CDH12: variants seen among roughly 807,000 people sequenced by gnomAD.
CDH12 encodes cadherin 12.
In CDH12, 41 loss-of-function variants were observed where a neutral mutation model predicts 74.1. The ratio of observed to expected loss-of-function variants is 0.55; its 90% confidence interval spans 0.43 to 0.72. The LOEUF (loss-of-function observed/expected upper bound fraction) is 0.72. Among genes scored for constraint, CDH12 ranks in the 30% least tolerant of loss-of-function variants. The pLI is 0.00. For synonymous variants in CDH12, 399 were observed against 355.0 expected, an observed-to-expected ratio of 1.12 and a Z score of -1.39; for missense variants, 945 against 977.2, an observed-to-expected ratio of 0.97 and a Z score of 0.44.
intron 2 of CDH12, among the ~76,000 whole-genome samples, chr5:22,458,814 G>A (rs1313625): frequency 0.048 from 7,263 of 152,034 alleles, 291 homozygotes; most frequent in East Asian, 0.16. Context: ...TCTTTTACTC[G>A]ATTTCAGCTA....
intron 1 of CDH12, among the ~76,000 whole-genome samples, chr5:22,590,922 G>C (rs199772931): frequency 1.3e-5 from 2 of 152,068 alleles, no homozygotes; most frequent in Non-Finnish European, 2.9e-5. Flanking sequence ...TTGGCGGCTT[G>C]TCCTGAAGAT....
intron 2 of CDH12, among the ~76,000 whole-genome samples, chr5:22,472,647 G>A (rs10038354): frequency 0.55 from 83,334 of 151,700 alleles, 23,084 homozygotes; most frequent in Admixed American, 0.69. Flanking sequence ...CTATTATACT[G>A]TGGAATTATC....
At chr5:22,252,556 A>G (rs1753171933) in intron 3 of CDH12, among the ~76,000 whole-genome samples, 1 of 152,040 alleles carries the variant, frequency 6.6e-6, no homozygotes, top group Non-Finnish European at 1.5e-5. Context: ...TATACTTTAT[A>G]TTACTTTACC....
At chr5:22,435,757 T>C (rs1744361157) in intron 2 of CDH12, among the ~76,000 whole-genome samples, 1 of 152,026 alleles carries the variant, frequency 6.6e-6, no homozygotes, top group Non-Finnish European at 1.5e-5. Context: ...GATCAGTGCC[T>C]AAGATGTTTT....
intron 10 of CDH12, among the ~76,000 whole-genome samples, chr5:21,789,761 T>A (rs1456904743): frequency 1.3e-5 from 2 of 152,136 alleles, no homozygotes; most frequent in Non-Finnish European, 2.9e-5. Flanking sequence ...ATTATGTAGA[T>A]GTTGGAAAAT....
intron 4 of CDH12, among the ~76,000 whole-genome samples, chr5:22,189,876 G>T (rs1750171803): frequency 6.6e-6 from 1 of 152,082 alleles, no homozygotes; most frequent in African/African-American, 2.4e-5. Context: ...CAGCCCCGTG[G>T]GCTGCATTTT....
At chr5:21,998,910 A>G (rs140495061) in intron 5 of CDH12, among the ~76,000 whole-genome samples, 7,949 of 152,208 alleles carry the variant, frequency 0.052, 689 homozygotes, top group African/African-American at 0.18. Context: ...TATATTTACT[A>G]TAACTTATGC....
intron 1 of CDH12, among the ~76,000 whole-genome samples, chr5:22,668,772 C>G (rs759091133): frequency 6.6e-6 from 1 of 152,178 alleles, no homozygotes; most frequent in Non-Finnish European, 1.5e-5. Flanking sequence ...AAGGGACATT[C>G]AAATCATAGC....
intron 2 of CDH12, among the ~76,000 whole-genome samples, chr5:22,408,972 A>G (rs1021388196): frequency 1.2e-4 from 19 of 152,148 alleles, no homozygotes; most frequent in Admixed American, 3.9e-4. Context: ...ACCTATCACC[A>G]TAAGTATTAA....
intron 1 of CDH12, among the ~76,000 whole-genome samples, chr5:22,600,400 C>A (rs997997977): frequency 1.3e-5 from 2 of 151,988 alleles, no homozygotes; most frequent in Middle Eastern, 3.2e-3. Flanking sequence ...AGTTTTAGTA[C>A]GTATGTATCT....
intron 1 of CDH12, among the ~76,000 whole-genome samples, chr5:22,781,869 C>T (rs969644795): frequency 6.6e-6 from 1 of 152,200 alleles, no homozygotes; most frequent in East Asian, 1.9e-4. Context: ...GGGAGTCCAC[C>T]TCTTTCAATA....
intron 8 of CDH12, among the ~76,000 whole-genome samples, chr5:21,835,627 C>T (rs929802047): frequency 3.3e-5 from 5 of 151,512 alleles, no homozygotes; most frequent in Admixed American, 1.3e-4. Flanking sequence ...TTTAAGAATG[C>T]CAAATAGTAA....
chr5:22,391,226 G>C (rs758686349), intron 3 of CDH12, among the ~76,000 whole-genome samples: 6 of 152,172 alleles, frequency 3.9e-5, no homozygotes, highest in Admixed American at 2.6e-4. Flanking sequence ...TTCCACATGA[G>C]ATCTGAATGG....
chr5:22,425,958 G>T (rs1743913858), intron 2 of CDH12, among the ~76,000 whole-genome samples: 1 of 151,874 alleles, frequency 6.6e-6, no homozygotes, highest in African/African-American at 2.4e-5. Flanking sequence ...GGAGGCTGAG[G>T]TGAGCGGATC....
At chr5:22,567,652 A>C (rs1404689998) in intron 1 of CDH12, among the ~76,000 whole-genome samples, 1 of 152,226 alleles carries the variant, frequency 6.6e-6, no homozygotes, top group Non-Finnish European at 1.5e-5. Context: ...AAACTGAACT[A>C]GTGTAAAACA....
At chr5:21,771,973 A>G (rs1745346350) in intron 11 of CDH12, among the ~76,000 whole-genome samples, 1 of 152,082 alleles carries the variant, frequency 6.6e-6, no homozygotes, top group African/African-American at 2.4e-5. Flanking sequence ...TTTCAATGTT[A>G]TTGCTGATCA....
intron 1 of CDH12, among the ~76,000 whole-genome samples, chr5:22,763,530 T>A (rs893092097): frequency 1.3e-5 from 2 of 151,962 alleles, no homozygotes; most frequent in African/African-American, 4.8e-5. Flanking sequence ...GTAGCAATGG[T>A]CTTTGCACAT....
At chr5:21,900,207 T>C (rs140594015) in intron 6 of CDH12, among the ~76,000 whole-genome samples, 1 of 152,296 alleles carries the variant, frequency 6.6e-6, no homozygotes, top group East Asian at 1.9e-4. Context: ...TATCCATGTC[T>C]TGTGGTAGCT....
At chr5:22,817,700 A>G (rs1749462071) in intron 1 of CDH12, among the ~76,000 whole-genome samples, 1 of 152,168 alleles carries the variant, frequency 6.6e-6, no homozygotes, top group South Asian at 2.1e-4. Flanking sequence ...TAATTTCAAT[A>G]TAATTCCTTA....
Sources: allele counts gnomAD v4.1 joint callset (sites outside exome capture counted in the v4.1 genomes callset), GRCh38; gene constraint gnomAD v4.1.1; transcripts MANE v1.5; gene names NCBI Gene and HGNC (gene_info 2026-07-23, HGNC 2026-07-21).